Variants in ZC3H12C observed in about 807,000 individuals in gnomAD.
ZC3H12C encodes probable ribonuclease ZC3H12C.
Under a neutral mutation model 76.3 loss-of-function variants are expected in ZC3H12C, and 20 were observed. That is an observed-to-expected ratio of 0.26 (90% CI 0.18 to 0.38). The LOEUF is 0.38. Among genes scored for constraint, ZC3H12C ranks in the 10% least tolerant of loss-of-function variants. The pLI, the probability that ZC3H12C is intolerant of heterozygous loss-of-function variation, is 1.00. For synonymous variants in ZC3H12C, 352 were observed against 399.6 expected, an observed-to-expected ratio of 0.88 and a Z score of 1.42; for missense variants, 874 against 1,086.5, an observed-to-expected ratio of 0.80 and a Z score of 2.75.
intron 1 of ZC3H12C, among the ~76,000 whole-genome samples, chr11:110,118,160 G>A (rs1861594209): frequency 6.7e-6 from 1 of 149,792 alleles, no homozygotes; most frequent in South Asian, 2.1e-4. Flanking sequence ...AAACACTAGA[G>A]TCATTCCCAT....
rs553381003 is a variant in ZC3H12C, at chr11:110,163,452, T to G, written c.1255+73T>G. ...ATTATTAAACTTTTGTTAACAAAAA[T>G]GAACACTTAAAATTTTGGATGGCAT... On this transcript the variant is annotated intron_variant, in intron 5 of 5. Coordinates refer to ENST00000278590, the MANE Select transcript of ZC3H12C (RefSeq NM_033390.2). 6.2e-6 allele frequency: 8 copies of G among 1,284,168 alleles called. No individual in the cohort carries two copies. In the South Asian group the frequency reaches 1.2e-4, roughly 20 times the overall value. 79.5% of individuals were successfully genotyped at this position (1,284,168 alleles called of 1,614,324 possible). A position where few individuals can be genotyped will look rare whatever the true frequency, so the allele number is the denominator to read the frequency against.
At chr11:110,110,442 C>T (rs978719266) in intron 1 of ZC3H12C, among the ~76,000 whole-genome samples, 10 of 152,000 alleles carry the variant, frequency 6.6e-5, no homozygotes, top group African/African-American at 2.2e-4. Flanking sequence ...AATAGTATTT[C>T]CAGGAGCACT....
At chr11:110,149,545 C>T (rs1452567693) in intron 2 of ZC3H12C, among the ~76,000 whole-genome samples, 1 of 152,234 alleles carries the variant, frequency 6.6e-6, no homozygotes, top group Non-Finnish European at 1.5e-5. Flanking sequence ...CCTACTTTCA[C>T]ACATTCTTGG....
chr11:110,137,752 A>C (rs1293486739), intron 2 of ZC3H12C, among the ~76,000 whole-genome samples: 1 of 152,200 alleles, frequency 6.6e-6, no homozygotes, highest in Non-Finnish European at 1.5e-5. Context: ...ATATTCAACA[A>C]TTTTAGAATC....
chr11:110,165,744 ATGC>A lies in ZC3H12C; in HGVS notation c.*8_*10del. On this transcript the variant is annotated 3_prime_UTR_variant, in exon 6 of 6. Coordinates refer to ENST00000278590, the MANE Select transcript of ZC3H12C (RefSeq NM_033390.2). ...ATCCCAGCTGGGTTATTGAAAGATG[ATGC>A]ATCTTTGTGGTGTTTAGTAGTTTTT... is the stretch of plus-strand genomic sequence containing the variant. 6.4e-7 allele frequency: 1 copy of A among 1,566,392 alleles called. No individual in the cohort carries two copies.
chr11:110,107,078 A>G (rs949809495), intron 1 of ZC3H12C, among the ~76,000 whole-genome samples: 1 of 152,230 alleles, frequency 6.6e-6, no homozygotes, highest in African/African-American at 2.4e-5. Context: ...ATAAACTTAA[A>G]AATAGACTTA....
At chr11:110,151,700 T>G (rs619615) in intron 2 of ZC3H12C, among the ~76,000 whole-genome samples, 104,740 of 151,958 alleles carry the variant, frequency 0.69, 36,895 homozygotes, top group South Asian at 0.79. Context: ...CCTAGAAAAT[T>G]ACCTCAAAAT....
chr11:110,147,294 G>A (rs1862188725), intron 2 of ZC3H12C, among the ~76,000 whole-genome samples: 1 of 152,168 alleles, frequency 6.6e-6, no homozygotes, highest in African/African-American at 2.4e-5. Context: ...CATGTCTGAT[G>A]TACCTGGCAG....
chr11:110,130,536 C>A (rs759950497), intron 1 of ZC3H12C, among the ~76,000 whole-genome samples: 2 of 152,164 alleles, frequency 1.3e-5, no homozygotes, highest in Non-Finnish European at 2.9e-5. Context: ...TTAATTGCTA[C>A]TTTGACACAC....
At chr11:110,094,537 TAC>T (rs1251463439) in intron 1 of ZC3H12C, among the ~76,000 whole-genome samples, 1 of 152,238 alleles carries the variant, frequency 6.6e-6, no homozygotes. Context: ...AAGTCATAAA[TAC>T]AGTGTGTTAT....
At position 110,164,402 on chromosome 11, in the gene ZC3H12C, A is replaced by C. The variant is rs1325246305; in HGVS notation, c.1317A>C (p.Pro439=). ...ACCATCCCGAAAGGGGCAGTCAGCCACAGCGGTCAGTGGCTGATGAACTCC... is the reference window on the plus strand; with the variant it reads ...ACCATCCCGAAAGGGGCAGTCAGCCCCAGCGGTCAGTGGCTGATGAACTCC... ...KYYHPERGSQ[P]QRSVADELRA... is the part of the protein sequence containing the mutation. The change falls in exon 6 of 6, where the codon CCA becomes CCC. Residue 439 remains proline (P), a synonymous_variant. Transcript: ENST00000278590. The surrounding 1 kb of genome is among the most constrained non-coding windows in gnomAD (Gnocchi z 5.7). The C allele has an allele frequency of 1.2e-6, 2 of 1,614,034 alleles. No homozygotes were observed. Among genetic ancestry groups the C allele is most frequent in the Non-Finnish European group, 1.7e-6 (2 of 1,179,906 alleles).
At position 110,118,030 on chromosome 11, in the gene ZC3H12C, T is replaced by TTA. The variant is rs201514056; in HGVS notation, c.22-18622_22-18621dup. Among the ~76,000 whole-genome samples, 6 of 50,340 alleles carry TTA rather than the reference T, an allele frequency of 1.2e-4. 2 individuals carry two copies. The highest frequency in any genetic ancestry group is 2.1e-4 in the Non-Finnish European group (4 of 18,730). The allele number at this position is 50,340 out of a possible 152,430, so 33.0% of individuals were successfully genotyped here. On this transcript the variant is annotated intron_variant, in intron 1 of 5. Transcript: ENST00000278590. The stretch of plus-strand genomic sequence containing the variant: ...ATATATATACACACACACATATATA[T>TTA]TATATATATATACACATATATATTA...
intron 2 of ZC3H12C, among the ~76,000 whole-genome samples, chr11:110,143,622 A>G (rs1235290893): frequency 6.6e-6 from 1 of 152,134 alleles, no homozygotes; most frequent in African/African-American, 2.4e-5. Flanking sequence ...TAAAGATTCA[A>G]GTATGATTTT....
At position 110,136,673 on chromosome 11, in the gene ZC3H12C, T is replaced by C; in HGVS notation, c.32T>C (p.Val11Ala). The change falls in exon 2 of 6, where the codon GTG becomes GCG. Residue 11 changes from valine (V) to alanine (A), a missense_variant. By Grantham distance (64) the Val-to-Ala change is moderately conservative. Around this residue, in one of 3 missense-constraint regions of ZC3H12C, gnomAD observed 210 missense variants for 227.1 expected, o/e 0.92. Transcript: ENST00000278590. ...TACATTTTTCTCTAGGAATACGGGGTGCTTTGCATTCAGGAATACAGAAAA... is the reference window on the plus strand; with the variant it reads ...TACATTTTTCTCTAGGAATACGGGGCGCTTTGCATTCAGGAATACAGAAAA... MPGGGSQEYGVLCIQEYRKNS... is the reference protein window; with the variant it reads MPGGGSQEYGALCIQEYRKNS... 2 of 1,612,098 alleles carry C rather than the reference T, an allele frequency of 1.2e-6. No individual in the cohort carries two copies. Among genetic ancestry groups the C allele is most frequent in the South Asian group, 2.2e-5 (2 of 90,530 alleles).
intron 2 of ZC3H12C, among the ~76,000 whole-genome samples, chr11:110,144,194 A>G (rs1862120939): frequency 6.6e-6 from 1 of 152,246 alleles, no homozygotes; most frequent in African/African-American, 2.4e-5. Flanking sequence ...GATTAAAGCT[A>G]TTAAATAAAG....
rs1399793937 is a variant in ZC3H12C, at chr11:110,131,290, T to C, written c.22-5373T>C. On this transcript the variant is annotated intron_variant, in intron 1 of 5. Transcript: ENST00000278590. Reference sequence around the variant, plus strand: ...GTCTGCGAAGCAGATTTTTACACTTTTCTAGTCTAGAGTTATATAAATAAT... The same window carrying C: ...GTCTGCGAAGCAGATTTTTACACTTCTCTAGTCTAGAGTTATATAAATAAT... The C allele has an allele frequency of 5.0e-6, 3 of 602,552 alleles. No individual in the cohort carries two copies. The Admixed American group carries it at 9.0e-5, about 18-fold the overall frequency. The allele number at this position is 602,552 out of a possible 1,614,324, so 37.3% of individuals were successfully genotyped here.
At position 110,137,684 on chromosome 11, in the gene ZC3H12C, G is replaced by C. The variant is rs191852879; in HGVS notation, c.773+270G>C. Among the ~76,000 whole-genome samples, 55 of 152,196 alleles carry C rather than the reference G, an allele frequency of 3.6e-4. No homozygotes were observed. In the East Asian group the frequency reaches 0.01, roughly 28 times the overall value. On this transcript the variant is annotated intron_variant, in intron 2 of 5. Transcript: ENST00000278590. Reference sequence around the variant, plus strand: ...CTAAATTTCTATGGTATAAAAATTAGTGTGTGTTTCTGGTTTACTATTAAT... The same window carrying C: ...CTAAATTTCTATGGTATAAAAATTACTGTGTGTTTCTGGTTTACTATTAAT...
chr11:110,135,731 A>T (rs1414889413), intron 1 of ZC3H12C: 1 of 152,146 alleles, frequency 6.6e-6, no homozygotes, highest in Non-Finnish European at 1.5e-5. Context: ...ATTAATGGCT[A>T]GTTAATCTGA....
At chr11:110,151,460 C>T (rs929933174) in intron 2 of ZC3H12C, among the ~76,000 whole-genome samples, 4 of 152,168 alleles carry the variant, frequency 2.6e-5, no homozygotes, top group Non-Finnish European at 1.5e-5. Flanking sequence ...TGGCGATAGA[C>T]ATAATGCAAT....
Sources: allele counts gnomAD v4.1 joint callset (sites outside exome capture counted in the v4.1 genomes callset), GRCh38; gene constraint gnomAD v4.1.1; regional missense constraint gnomAD v4.1.1; non-coding constraint Gnocchi (gnomAD v3.1); transcripts MANE v1.5; gene names NCBI Gene and HGNC (gene_info 2026-07-23, HGNC 2026-07-21).